KCNH8: variants seen among roughly 807,000 people sequenced by gnomAD.
KCNH8 encodes voltage-gated delayed rectifier potassium channel KCNH8.
Under a neutral mutation model 103.6 loss-of-function variants are expected in KCNH8, and 70 were observed. That is an observed-to-expected ratio of 0.68 (90% CI 0.56 to 0.82). KCNH8 has a LOEUF of 0.82. Among genes scored for constraint, KCNH8 ranks in the 40% least tolerant of loss-of-function variants. The pLI is 0.00. For missense variants in KCNH8, 1,217 were observed against 1,329.9 expected, an observed-to-expected ratio of 0.92 and a Z score of 1.32; for synonymous variants, 498 against 489.4, an observed-to-expected ratio of 1.02 and a Z score of -0.23.
At chr3:19,468,126 T>C (rs779884376) in intron 11 of KCNH8, among the ~76,000 whole-genome samples, 21 of 152,226 alleles carry the variant, frequency 1.4e-4, no homozygotes, top group Non-Finnish European at 2.8e-4. Context: ...TTTAGCAGGA[T>C]CTAATATTAT....
At chr3:19,524,777 T>C (rs1249595223) in intron 15 of KCNH8, among the ~76,000 whole-genome samples, 2 of 151,928 alleles carry the variant, frequency 1.3e-5, no homozygotes, top group Admixed American at 6.6e-5. Context: ...AAAACCAATG[T>C]TGCATTCCAA....
At chr3:19,416,231 C>G (rs944144250) in intron 7 of KCNH8, among the ~76,000 whole-genome samples, 1 of 152,000 alleles carries the variant, frequency 6.6e-6, no homozygotes, top group East Asian at 1.9e-4. Context: ...TCTTTGTGTA[C>G]TTGGACAGAC....
intron 11 of KCNH8, among the ~76,000 whole-genome samples, chr3:19,502,716 C>A (rs1282442097): frequency 1.3e-5 from 2 of 150,738 alleles, no homozygotes; most frequent in African/African-American, 2.4e-5. Context: ...GGAAAACTGG[C>A]TAGCCATATG....
intron 5 of KCNH8, among the ~76,000 whole-genome samples, chr3:19,364,676 G>A (rs1470333970): frequency 1.3e-5 from 2 of 152,036 alleles, no homozygotes; most frequent in East Asian, 1.9e-4. Flanking sequence ...TTACATGTCA[G>A]AATATCTTGG....
intron 3 of KCNH8, among the ~76,000 whole-genome samples, chr3:19,293,286 C>T (rs887047646): frequency 1.3e-5 from 2 of 151,982 alleles, no homozygotes; most frequent in Non-Finnish European, 2.9e-5. Context: ...ACAAGTGAGA[C>T]GAAACTGGAA....
At chr3:19,191,977 C>A (rs1004492436) in intron 1 of KCNH8, among the ~76,000 whole-genome samples, 1 of 150,702 alleles carries the variant, frequency 6.6e-6, no homozygotes, top group African/African-American at 2.4e-5. Flanking sequence ...TCTGTTTATT[C>A]ATATTTCCTT....
intron 1 of KCNH8, among the ~76,000 whole-genome samples, chr3:19,234,617 T>C (rs11918565): frequency 0.064 from 9,585 of 148,686 alleles, 1,001 homozygotes; most frequent in African/African-American, 0.22. Context: ...CCGCCCGCGC[T>C]TCTCCGAGCT....
chr3:19,348,147 C>G (rs1439170428), intron 5 of KCNH8, among the ~76,000 whole-genome samples, 182 bp downstream of exon 5: 1 of 152,052 alleles, frequency 6.6e-6, no homozygotes, highest in Non-Finnish European at 1.5e-5. Context: ...TCCAACTTTT[C>G]CTGTCCCTTT....
intron 1 of KCNH8, among the ~76,000 whole-genome samples, chr3:19,157,758 G>A (rs1271026927): frequency 6.6e-6 from 1 of 151,792 alleles, no homozygotes; most frequent in East Asian, 1.9e-4. Flanking sequence ...TAAATGCTTT[G>A]TTGAGCATTA....
intron 5 of KCNH8, among the ~76,000 whole-genome samples, chr3:19,373,436 T>C (rs560789193): frequency 9.8e-5 from 15 of 152,354 alleles, no homozygotes; most frequent in African/African-American, 2.2e-4. Context: ...TAGTTTGTAT[T>C]TTTGTGGGAT....
intron 3 of KCNH8, among the ~76,000 whole-genome samples, chr3:19,332,937 G>T (rs1391450142): frequency 6.6e-6 from 1 of 152,130 alleles, no homozygotes. Flanking sequence ...CCGGCATAGA[G>T]TGACTGTTTT....
rs192360172 is a variant in KCNH8 at position 19,382,351 on chromosome 3, C to T, written c.812-8130C>T. On this transcript the variant is annotated intron_variant, in intron 5 of 15. Coordinates refer to ENST00000328405, the MANE Select transcript of KCNH8 (RefSeq NM_144633.3). ...CTCTTCCACTGCCTAGTTGGGTAAC[C>T]TTCAGCAAGTTAATTGTCTGAGTGT... 9.1e-4 allele frequency among the ~76,000 whole-genome samples: 138 copies of T among 152,186 alleles called. 1 individual carries two copies. Among genetic ancestry groups the T allele is most frequent in the African/African-American group, 2.7e-3 (111 of 41,526 alleles).
chr3:19,339,302 G>A (rs751708551), intron 3 of KCNH8, among the ~76,000 whole-genome samples: 8 of 151,972 alleles, frequency 5.3e-5, no homozygotes, highest in African/African-American at 9.7e-5. Context: ...TATCTAAACC[G>A]GTTCATTTTG....
At chr3:19,148,855 C>T (rs899486821) in intron 1 of KCNH8, 60 bp downstream of exon 1, 7 of 1,447,180 alleles carry the variant, frequency 4.8e-6, no homozygotes, top group South Asian at 1.1e-5. Flanking sequence ...TTCTCGTACA[C>T]ATTACTTTTG....
intron 11 of KCNH8, among the ~76,000 whole-genome samples, chr3:19,508,857 T>C (rs1219110419): frequency 1.3e-5 from 2 of 152,222 alleles, no homozygotes; most frequent in African/African-American, 4.8e-5. Flanking sequence ...ACTCATCTAG[T>C]GGTAAACCAC....
intron 3 of KCNH8, among the ~76,000 whole-genome samples, chr3:19,290,855 C>T (rs1044524892): frequency 7.9e-5 from 12 of 152,066 alleles, no homozygotes; most frequent in African/African-American, 2.2e-4. Flanking sequence ...TGGTAGAATT[C>T]GGCTATGAAT....
At chr3:19,401,746 A>G (rs1005502907) in intron 7 of KCNH8, among the ~76,000 whole-genome samples, 1 of 151,994 alleles carries the variant, frequency 6.6e-6, no homozygotes, top group African/African-American at 2.4e-5. Context: ...GCAATGTCCA[A>G]TTATGAAGTT....
intron 5 of KCNH8, among the ~76,000 whole-genome samples, chr3:19,356,612 G>T (rs554580586): frequency 2.1e-4 from 32 of 152,064 alleles, no homozygotes; most frequent in Non-Finnish European, 3.4e-4. Flanking sequence ...TTAAGCTGCT[G>T]ATTCAAAGCC....
chr3:19,181,141 A>C (rs557236654), intron 1 of KCNH8, among the ~76,000 whole-genome samples: 1 of 152,306 alleles, frequency 6.6e-6, no homozygotes, highest in African/African-American at 2.4e-5. Context: ...ATTTTTAGTC[A>C]TACTGATACT....
Sources: allele counts gnomAD v4.1 joint callset (sites outside exome capture counted in the v4.1 genomes callset), GRCh38; gene constraint gnomAD v4.1.1; transcripts MANE v1.5; gene names NCBI Gene and HGNC (gene_info 2026-07-23, HGNC 2026-07-21).